Variants in HS6ST1 observed in about 807,000 individuals in gnomAD.
HS6ST1 encodes the protein heparan-sulfate 6-O-sulfotransferase 1.
HS6ST1 carries 3 observed loss-of-function variants against 25.2 expected under a neutral mutation model. That is an observed-to-expected ratio of 0.12 (90% CI 0.05 to 0.31). HS6ST1 has a LOEUF of 0.31. Ranked by LOEUF, HS6ST1 falls within the 10% of genes least tolerant of loss-of-function variation. The pLI is 1.00. For missense variants in HS6ST1, 310 were observed against 609.6 expected (o/e 0.51, Z 5.18); for synonymous variants, 204 against 275.1 (o/e 0.74, Z 2.56).
chr2:128,310,572 G>T (rs1374448427), intron 1 of HS6ST1, among the ~76,000 whole-genome samples: 2 of 142,454 alleles, frequency 1.4e-5, no homozygotes, highest in Non-Finnish European at 3.0e-5. Context: ...TTTGCTCCAT[G>T]GTCAAGGAAA....
intron 1 of HS6ST1, among the ~76,000 whole-genome samples, chr2:128,313,558 C>T (rs891401944): frequency 3.9e-5 from 6 of 152,160 alleles, no homozygotes; most frequent in East Asian, 1.9e-4. Flanking sequence ...CACAACAAAG[C>T]GGGGTGTGAG....
intron 1 of HS6ST1, among the ~76,000 whole-genome samples, chr2:128,289,400 A>G (rs1417297952): frequency 1.3e-5 from 2 of 152,144 alleles, no homozygotes; most frequent in Non-Finnish European, 2.9e-5. Flanking sequence ...GGTCGCCACT[A>G]TTAGATCCCC....
rs377544152 is a variant in HS6ST1 at position 128,299,353 on chromosome 2, G to A, written c.527+18684C>T. 7.5e-3 allele frequency among the ~76,000 whole-genome samples: 1,137 copies of A among 152,360 alleles called. 5 individuals are homozygous for A. Among genetic ancestry groups the A allele is most frequent in the Non-Finnish European group, 0.012 (814 of 68,042 alleles). ...CAGGAGCGAGCCCTCTGCCCTGGCC[G>A]GCCCACTCTTAGCAAACTATAAGAG... On this transcript the variant is annotated intron_variant, in intron 1 of 1. Transcript: ENST00000259241.
intron 1 of HS6ST1, among the ~76,000 whole-genome samples, chr2:128,276,448 A>G (rs1693696038): frequency 6.6e-6 from 1 of 152,100 alleles, no homozygotes; most frequent in Non-Finnish European, 1.5e-5. Flanking sequence ...TTTTTTTAAA[A>G]AAGTGATGAG....
At chr2:128,271,873 G>A (rs1002591387) in intron 1 of HS6ST1, among the ~76,000 whole-genome samples, 2 of 152,198 alleles carry the variant, frequency 1.3e-5, no homozygotes, top group South Asian at 2.1e-4. Context: ...AGCCAAGCTC[G>A]AGCGGCTGCC....
In HS6ST1 at chr2:128,276,295, G is replaced by A. The variant is rs368018572; in HGVS notation, c.528-7425C>T. 9.2e-5 allele frequency among the ~76,000 whole-genome samples: 14 copies of A among 152,200 alleles called. No individual in the cohort carries two copies. In the East Asian group the frequency reaches 1.9e-3, roughly 21 times the overall value. Reference sequence around the variant, plus strand: ...CGTGGTGGCATGCACCACCACGTCCGGCTAATTTTTTCGTATTTTTAGTAG... The same window carrying A: ...CGTGGTGGCATGCACCACCACGTCCAGCTAATTTTTTCGTATTTTTAGTAG... On this transcript the variant is annotated intron_variant, in intron 1 of 1. Transcript: ENST00000259241.
Position 128,268,383 on chromosome 2 carries a change from C to T in HS6ST1, c.1015G>A (p.Glu339Lys), listed in dbSNP as rs1693557802. The T allele has an allele frequency of 1.9e-6, 3 of 1,613,712 alleles. No individual in the cohort carries two copies. The highest frequency in any genetic ancestry group is 8.5e-7 in the Non-Finnish European group (1 of 1,179,870). The stretch of plus-strand genomic sequence containing the variant: ...AGCTGCATGTCCAGGTCGTTGAGCT[C>T]CTCGATGCGCCGGATGGTGTCTTCA... ...VDEDTIRRIEELNDLDMQLYD... is the reference protein window; with the variant it reads ...VDEDTIRRIEKLNDLDMQLYD... The change falls in exon 2 of 2, where the codon GAG becomes AAG. Residue 339 changes from glutamate (E) to lysine (K), a missense_variant. Transcript: ENST00000259241.
chr2:128,314,646 GGCGAGGCT>G (rs1694335182), intron 1 of HS6ST1, among the ~76,000 whole-genome samples: 1 of 152,216 alleles, frequency 6.6e-6, no homozygotes, highest in Non-Finnish European at 1.5e-5. Flanking sequence ...GCAGGTCAAA[GGCGAGGCT>G]GCGGGCTCCT....
At chr2:128,278,112 T>C (rs1693722933) in intron 1 of HS6ST1, among the ~76,000 whole-genome samples, 1 of 152,238 alleles carries the variant, frequency 6.6e-6, no homozygotes, top group African/African-American at 2.4e-5. Flanking sequence ...GTACAGCCCA[T>C]GAGCTCTGAG....
At chr2:128,310,302 C>A (rs575700356) in intron 1 of HS6ST1, among the ~76,000 whole-genome samples, 1 of 151,178 alleles carries the variant, frequency 6.6e-6, no homozygotes, top group African/African-American at 2.5e-5. Context: ...CCACAGGCAT[C>A]CCCCCGCAGT....
At chr2:128,312,338 G>A (rs563119894) in intron 1 of HS6ST1, among the ~76,000 whole-genome samples, 1 of 152,230 alleles carries the variant, frequency 6.6e-6, no homozygotes, top group Admixed American at 6.5e-5. Context: ...TCCTTGTGTG[G>A]AAAATGGGGC....
rs1401961850 is a variant in HS6ST1 at position 128,267,763 on chromosome 2, C to T, written c.*399G>A. 1.1e-4 allele frequency: 31 copies of T among 272,802 alleles called. No homozygotes were observed. The highest frequency in any genetic ancestry group is 2.3e-4 in the South Asian group (4 of 17,706). 16.9% of individuals were successfully genotyped at this position (272,802 alleles called of 1,614,324 possible). The stretch of plus-strand genomic sequence containing the variant: ...GTAGCCCGGACAGAGGAGCTAAGAG[C>T]GAGTGCTGTGTGCATAGTTGGTGAG... On this transcript the variant is annotated 3_prime_UTR_variant, in exon 2 of 2. Coordinates refer to ENST00000259241, the MANE Select transcript of HS6ST1 (RefSeq NM_004807.3).
chr2:128,318,391 G>C lies in HS6ST1; in HGVS notation c.173C>G (p.Pro58Arg), dbSNP rs769955077. ...CTTCTCGTAGTGGGGGTCGGGTGTG[G>C]GGAACAGGTCCAGGTCGTCGGGCGG... is the stretch of plus-strand genomic sequence containing the variant. ...RAPPDDLDLF[P>R]TPDPHYEKKY... Residue 58 changes from proline to arginine, a missense_variant, in exon 1 of 2, where the codon CCC (proline) becomes CGC (arginine). This residue lies in a region of HS6ST1 where 63 missense variants were observed against 105.4 expected (regional missense o/e 0.60). Transcript: ENST00000259241. This position sits in a 1 kb window ranked among gnomAD's most constrained non-coding sequence, Gnocchi z 5.7. The C allele has an allele frequency of 1.9e-6, 3 of 1,605,716 alleles. No homozygotes were observed. The highest frequency in any genetic ancestry group is 2.2e-5 in the South Asian group (2 of 90,754).
chr2:128,303,058 G>A (rs2104932010), intron 1 of HS6ST1, among the ~76,000 whole-genome samples: 1 of 152,334 alleles, frequency 6.6e-6, no homozygotes, highest in African/African-American at 2.4e-5. Context: ...CAGGAGCCAG[G>A]CCCACACATC....
At chr2:128,284,505 T>TTTTTTTTTTCTC (rs1553456288) in intron 1 of HS6ST1, among the ~76,000 whole-genome samples, 12 of 138,242 alleles carry the variant, frequency 8.7e-5, no homozygotes, top group Non-Finnish European at 1.9e-4. Context: ...ATCGTCCCTC[T>TTTTTTTTTTCTC]TTTTTTTTTT....
chr2:128,305,055 C>T (rs1373128032), intron 1 of HS6ST1, among the ~76,000 whole-genome samples: 1 of 152,246 alleles, frequency 6.6e-6, no homozygotes, highest in Admixed American at 6.5e-5. Flanking sequence ...TGAGGGCCTC[C>T]TAAGCTCTCC....
intron 1 of HS6ST1, among the ~76,000 whole-genome samples, chr2:128,308,290 A>T (rs1274993505): frequency 1.3e-5 from 2 of 152,198 alleles, no homozygotes; most frequent in African/African-American, 4.8e-5. Flanking sequence ...GTGAAACTCC[A>T]CAAGGCTCCC....
At chr2:128,297,047 G>GC (rs554657763) in intron 1 of HS6ST1, among the ~76,000 whole-genome samples, 3 of 152,086 alleles carry the variant, frequency 2.0e-5, no homozygotes, top group Non-Finnish European at 4.4e-5. Flanking sequence ...GGATGACAAA[G>GC]CGAGACCCTG....
At chr2:128,295,996 A>G (rs1210064251) in intron 1 of HS6ST1, among the ~76,000 whole-genome samples, 1 of 152,222 alleles carries the variant, frequency 6.6e-6, no homozygotes, top group Non-Finnish European at 1.5e-5. Context: ...ATGAGGGTGG[A>G]GCCATAATGA....
Sources: gnomAD v4.1 joint callset for allele counts (sites outside exome capture counted in the v4.1 genomes callset) on GRCh38, gnomAD v4.1.1 for gene constraint, gnomAD v4.1.1 regional missense constraint, Gnocchi (gnomAD v3.1) non-coding constraint, MANE v1.5 for transcripts, NCBI Gene and HGNC (gene_info 2026-07-23, HGNC 2026-07-21) for gene names.